The following PPM1H variants were observed in gnomAD, a reference collection of about 807,000 sequenced individuals.
PPM1H encodes the protein protein phosphatase, Mg2+/Mn2+ dependent 1H.
PPM1H carries 27 observed loss-of-function variants against 54.9 expected under a neutral mutation model. That is an observed-to-expected ratio of 0.49 (90% CI 0.36 to 0.68). The LOEUF is 0.68. Ranked by LOEUF, PPM1H falls within the 30% of genes least tolerant of loss-of-function variation. PPM1H has a pLI of 0.00. For synonymous variants in PPM1H, 305 were observed against 270.8 expected, an observed-to-expected ratio of 1.13 and a Z score of -1.24; for missense variants, 596 against 667.8, an observed-to-expected ratio of 0.89 and a Z score of 1.19.
intron 1 of PPM1H, among the ~76,000 whole-genome samples, chr12:62,919,578 T>C (rs570245840): frequency 6.6e-6 from 1 of 152,320 alleles, no homozygotes; most frequent in South Asian, 2.1e-4. Flanking sequence ...ATGATGTATC[T>C]GGTTAATTTT....
rs146361887 is a variant in PPM1H, at chr12:62,927,841, C to G, written c.245+6651G>C. On this transcript the variant is annotated intron_variant, in intron 1 of 9. Coordinates refer to ENST00000228705, the MANE Select transcript of PPM1H (RefSeq NM_020700.2). Reference sequence around the variant, plus strand: ...TGAGAGACCAAATCTAAAATACTAACAGTGGCTAATGAATTAACAAACATT... The same window carrying G: ...TGAGAGACCAAATCTAAAATACTAAGAGTGGCTAATGAATTAACAAACATT... 3.3e-3 allele frequency among the ~76,000 whole-genome samples: 498 copies of G among 152,058 alleles called. 6 individuals are homozygous for G. Among genetic ancestry groups the G allele is most frequent in the African/African-American group, 0.011 (454 of 41,476 alleles).
At chr12:62,892,113 A>G (rs1272293798) in intron 1 of PPM1H, among the ~76,000 whole-genome samples, 1 of 152,208 alleles carries the variant, frequency 6.6e-6, no homozygotes. Context: ...AACATTTCAA[A>G]AAAAATTTAC....
intron 1 of PPM1H, among the ~76,000 whole-genome samples, chr12:62,887,042 G>C (rs890705202): frequency 1.3e-5 from 2 of 152,180 alleles, no homozygotes; most frequent in Non-Finnish European, 2.9e-5. Flanking sequence ...AGAACTGGCC[G>C]AAGAATGAAT....
In PPM1H at chr12:62,648,456, T is replaced by TC. The variant is rs754579444; in HGVS notation, c.*32dup. 2 of 1,611,246 alleles carry TC rather than the reference T, an allele frequency of 1.2e-6. No individual in the cohort carries two copies. Among genetic ancestry groups the TC allele is most frequent in the Admixed American group, 3.3e-5 (2 of 59,960 alleles). ...CTGCCAAGAGGCATCCCAGCTTTCT[T>TC]CCCCTCTGTCCTCCCAATCCCCTGG... is the stretch of plus-strand genomic sequence containing the variant. On this transcript the variant is annotated 3_prime_UTR_variant, in exon 10 of 10. Transcript: ENST00000228705.
intron 5 of PPM1H, among the ~76,000 whole-genome samples, chr12:62,729,945 C>A (rs1399026108): frequency 6.6e-6 from 1 of 152,102 alleles, no homozygotes; most frequent in African/African-American, 2.4e-5. Flanking sequence ...TGACATTTCA[C>A]CACAAAAGAA....
chr12:62,858,723 G>T (rs1869487880), intron 1 of PPM1H, among the ~76,000 whole-genome samples: 1 of 152,108 alleles, frequency 6.6e-6, no homozygotes, highest in Non-Finnish European at 1.5e-5. Flanking sequence ...TCTTCTTAAG[G>T]CTTTAAGCAA....
intron 4 of PPM1H, chr12:62,756,305 C>A: frequency 1.7e-6 from 1 of 576,004 alleles, no homozygotes; most frequent in South Asian, 1.6e-5. Flanking sequence ...GAAGTCCCTG[C>A]CATACTCAGT....
chr12:62,841,303 T>C (rs1868739048), intron 1 of PPM1H, among the ~76,000 whole-genome samples: 1 of 152,212 alleles, frequency 6.6e-6, no homozygotes, highest in Non-Finnish European at 1.5e-5. Flanking sequence ...TGCTTGTTTT[T>C]ACACAGCCTG....
At position 62,647,587 on chromosome 12, in the gene PPM1H, TCA is replaced by T. The variant is rs149663245; in HGVS notation, c.*900_*901del. Reference sequence around the variant, plus strand: ...ATTCCAGAAATGAAAATCCAGACTCTCACAGAGAACCCTTGAGCCACACAGGA... The same window carrying T: ...ATTCCAGAAATGAAAATCCAGACTCTCAGAGAACCCTTGAGCCACACAGGA... On this transcript the variant is annotated 3_prime_UTR_variant, in exon 10 of 10. Coordinates refer to ENST00000228705, the MANE Select transcript of PPM1H (RefSeq NM_020700.2). The T allele has an allele frequency of 0.025, 3,856 of 152,296 alleles. 146 individuals are homozygous for T. The highest frequency in any genetic ancestry group is 0.087 in the African/African-American group (3,593 of 41,520). 9.4% of individuals were successfully genotyped at this position (152,296 alleles called of 1,614,324 possible). A position where few individuals can be genotyped will look rare whatever the true frequency, so the allele number is the denominator to read the frequency against.
intron 1 of PPM1H, among the ~76,000 whole-genome samples, chr12:62,856,200 A>G (rs1380431977): frequency 6.6e-6 from 1 of 152,106 alleles, no homozygotes; most frequent in Admixed American, 6.5e-5. Context: ...CTGTACAACT[A>G]TGTCTTCTCC....
At chr12:62,794,018 T>C (rs2076716903) in intron 3 of PPM1H, among the ~76,000 whole-genome samples, 1 of 152,182 alleles carries the variant, frequency 6.6e-6, no homozygotes, top group Non-Finnish European at 1.5e-5. Flanking sequence ...TCTGAGCACA[T>C]TGCTAATAGT....
chr12:62,914,317 G>A (rs1347823616), intron 1 of PPM1H, among the ~76,000 whole-genome samples: 1 of 152,222 alleles, frequency 6.6e-6, no homozygotes, highest in African/African-American at 2.4e-5. Flanking sequence ...GCTTTCGCCA[G>A]ATGCCCAATC....
At chr12:62,723,226 A>G (rs940899869) in intron 5 of PPM1H, among the ~76,000 whole-genome samples, 2 of 152,170 alleles carry the variant, frequency 1.3e-5, no homozygotes, top group Admixed American at 1.3e-4. Flanking sequence ...CTAGCCTGGA[A>G]AAAGGTCAAA....
At chr12:62,760,352 C>A (rs1381656753) in intron 4 of PPM1H, among the ~76,000 whole-genome samples, 1 of 152,162 alleles carries the variant, frequency 6.6e-6, no homozygotes, top group African/African-American at 2.4e-5. Context: ...CCAAGTGTCA[C>A]TGAGTCTTGT....
At chr12:62,802,330 A>C (rs993481745) in intron 2 of PPM1H, among the ~76,000 whole-genome samples, 170 bp from the exon 3 acceptor site, 3 of 152,036 alleles carry the variant, frequency 2.0e-5, no homozygotes, top group Non-Finnish European at 4.4e-5. Context: ...CAAAAACAAA[A>C]ACAAAAAAAA....
chr12:62,677,433 AG>A (rs2075994087), intron 8 of PPM1H, among the ~76,000 whole-genome samples: 1 of 152,230 alleles, frequency 6.6e-6, no homozygotes, highest in Non-Finnish European at 1.5e-5. Flanking sequence ...TCCCCGAGCC[AG>A]GGTTGTGATG....
chr12:62,793,879 A>G (rs1184698425), intron 3 of PPM1H, among the ~76,000 whole-genome samples: 1 of 152,170 alleles, frequency 6.6e-6, no homozygotes, highest in East Asian at 1.9e-4. Flanking sequence ...ATGCAACTCC[A>G]AGGTCATTCT....
rs979837627 is a variant in PPM1H, at chr12:62,647,845, A to G, written c.*644T>C. ...CAGAACTTCCTTAGCAGGGTGTTGG[A>G]AAGTCCCAGGCCTGTTCTGTGGAAG... is the stretch of plus-strand genomic sequence containing the variant. On this transcript the variant is annotated 3_prime_UTR_variant, in exon 10 of 10. Coordinates refer to ENST00000228705, the MANE Select transcript of PPM1H (RefSeq NM_020700.2). 2.0e-5 allele frequency: 3 copies of G among 151,694 alleles called. No homozygotes were observed. The highest frequency in any genetic ancestry group is 4.4e-5 in the Non-Finnish European group (3 of 68,020). 9.4% of individuals were successfully genotyped at this position (151,694 alleles called of 1,614,324 possible). A position where few individuals can be genotyped will look rare whatever the true frequency, so the allele number is the denominator to read the frequency against.
chr12:62,788,872 C>T (rs1449792175), intron 3 of PPM1H, among the ~76,000 whole-genome samples: 4 of 151,946 alleles, frequency 2.6e-5, no homozygotes, highest in East Asian at 1.9e-4. Flanking sequence ...ACCACAGGTG[C>T]GCACCACCAT....
Sources: gnomAD v4.1 joint callset for allele counts (sites outside exome capture counted in the v4.1 genomes callset) on GRCh38, gnomAD v4.1.1 for gene constraint, MANE v1.5 for transcripts, NCBI Gene and HGNC (gene_info 2026-07-23, HGNC 2026-07-21) for gene names.